Variants in CCNY observed in about 807,000 individuals in gnomAD.
CCNY encodes the protein cyclin Y, also known as cyclin-Y.
CCNY carries 19 observed loss-of-function variants against 42.8 expected under a neutral mutation model. That is an observed-to-expected ratio of 0.44 (90% CI 0.31 to 0.65). CCNY has a LOEUF of 0.65. CCNY is among the 30% of genes least tolerant of loss of function. The pLI is 0.07. For missense variants in CCNY, 370 were observed against 437.3 expected, an observed-to-expected ratio of 0.85 and a Z score of 1.37; for synonymous variants, 165 against 162.7, an observed-to-expected ratio of 1.01 and a Z score of -0.11.
At chr10:35,563,177 A>G (rs1013095256) in intron 8 of CCNY, among the ~76,000 whole-genome samples, 6 of 152,122 alleles carry the variant, frequency 3.9e-5, no homozygotes, top group African/African-American at 1.4e-4. Flanking sequence ...AGTTTTGGAA[A>G]TTATTTTTAT....
chr10:35,477,734 G>A (rs2135356513), intron 1 of CCNY, among the ~76,000 whole-genome samples: 1 of 152,086 alleles, frequency 6.6e-6, no homozygotes, highest in Non-Finnish European at 1.5e-5. Context: ...GCACAAGACA[G>A]GGATGCCCTC....
chr10:35,252,995 C>T (rs891443321), intron 3 of CCNY, among the ~76,000 whole-genome samples: 2 of 152,096 alleles, frequency 1.3e-5, no homozygotes, highest in Non-Finnish European at 2.9e-5. Flanking sequence ...ACAAAACCAT[C>T]GAACTGCTGT....
intron 1 of CCNY, among the ~76,000 whole-genome samples, chr10:35,358,698 A>G (rs1836615489): frequency 6.6e-6 from 1 of 152,218 alleles, no homozygotes; most frequent in Non-Finnish European, 1.5e-5. Flanking sequence ...AGAGACAGAG[A>G]AAAGAAGAAG....
At chr10:35,553,316 G>A (rs2135451516) in intron 8 of CCNY, 131 bp downstream of exon 8, 3 of 809,798 alleles carry the variant, frequency 3.7e-6, no homozygotes, top group South Asian at 2.5e-5. Flanking sequence ...GTTGTGAGCT[G>A]TTACAACAGG....
intron 1 of CCNY, among the ~76,000 whole-genome samples, chr10:35,428,147 C>T (rs751871450): frequency 6.6e-6 from 1 of 152,188 alleles, no homozygotes; most frequent in Non-Finnish European, 1.5e-5. Context: ...AAATGTGGAA[C>T]AAAGCAGATG....
chr10:35,327,673 G>A (rs972056992), intron 3 of CCNY: 2 of 152,164 alleles, frequency 1.3e-5, no homozygotes, highest in Non-Finnish European at 2.9e-5. Flanking sequence ...CCTCTCTTCT[G>A]TTGAGCACTG....
intron 7 of CCNY, among the ~76,000 whole-genome samples, chr10:35,542,290 G>GT (rs1010276293): frequency 6.6e-6 from 1 of 151,274 alleles, no homozygotes; most frequent in Non-Finnish European, 1.5e-5. Context: ...GGGATTGTAT[G>GT]TTTTTTTGGA....
intron 7 of CCNY, among the ~76,000 whole-genome samples, chr10:35,542,315 G>A (rs954655253): frequency 1.3e-5 from 2 of 151,498 alleles, no homozygotes; most frequent in African/African-American, 4.9e-5. Flanking sequence ...AATAACAAAG[G>A]TAAAGCACCA....
chr10:35,266,890 C>A (rs1228145498), intron 3 of CCNY, among the ~76,000 whole-genome samples: 2 of 151,866 alleles, frequency 1.3e-5, no homozygotes, highest in Non-Finnish European at 2.9e-5. Flanking sequence ...TCGAGACCAG[C>A]CTGGCCAACA....
intron 1 of CCNY, among the ~76,000 whole-genome samples, chr10:35,463,732 A>G (rs564107131): frequency 1.2e-3 from 179 of 152,366 alleles, no homozygotes; most frequent in African/African-American, 4.2e-3. Flanking sequence ...GGAAGAGGCA[A>G]AGAAATCAAA....
chr10:35,499,221 G>C (rs987230710), intron 2 of CCNY, among the ~76,000 whole-genome samples: 1 of 151,994 alleles, frequency 6.6e-6, no homozygotes, highest in Non-Finnish European at 1.5e-5. Flanking sequence ...AGAGGTTTAA[G>C]GGACTTACAG....
Position 35,532,412 on chromosome 10 carries a change from C to T in CCNY, c.579+2169C>T, listed in dbSNP as rs576224221. 5.3e-5 allele frequency among the ~76,000 whole-genome samples: 8 copies of T among 152,348 alleles called. No individual in the cohort carries two copies. The East Asian group carries it at 9.6e-4, about 18-fold the overall frequency. On this transcript the variant is annotated intron_variant, in intron 7 of 9. Coordinates refer to ENST00000374704, the MANE Select transcript of CCNY (RefSeq NM_145012.6). ...GTTAGCCCTGGCCGTGCTTCCCACA[C>T]GGAGTAGGACTGCAGCCTGCTGTGG...
intron 1 of CCNY, among the ~76,000 whole-genome samples, chr10:35,360,330 A>C (rs1836656042): frequency 6.7e-6 from 1 of 148,176 alleles, no homozygotes; most frequent in African/African-American, 2.5e-5. Context: ...TCTGTCACCC[A>C]AGCTGGAGTG....
intron 1 of CCNY, among the ~76,000 whole-genome samples, chr10:35,441,018 A>G (rs376465121): frequency 2.4e-4 from 36 of 152,288 alleles, no homozygotes; most frequent in African/African-American, 8.2e-4. Flanking sequence ...GAGAGTATAC[A>G]ATTGCCAATT....
At chr10:35,363,746 C>T (rs934685759) in intron 1 of CCNY, among the ~76,000 whole-genome samples, 2 of 152,134 alleles carry the variant, frequency 1.3e-5, no homozygotes, top group Non-Finnish European at 2.9e-5. Flanking sequence ...TATTCCCTGC[C>T]TACCTGGCAC....
intron 2 of CCNY, among the ~76,000 whole-genome samples, chr10:35,485,836 A>T (rs1275051736): frequency 6.6e-6 from 1 of 152,098 alleles, no homozygotes; most frequent in Non-Finnish European, 1.5e-5. Context: ...CTTTTGGCAA[A>T]TTGGTCCTAA....
At chr10:35,455,756 CAG>C (rs926574967) in intron 1 of CCNY, among the ~76,000 whole-genome samples, 4 of 149,014 alleles carry the variant, frequency 2.7e-5, no homozygotes, top group African/African-American at 9.9e-5. Flanking sequence ...ATGTGGTTAA[CAG>C]ATCAGAAAAT....
chr10:35,406,863 C>T (rs1454324838), intron 1 of CCNY, among the ~76,000 whole-genome samples: 2 of 144,422 alleles, frequency 1.4e-5, no homozygotes, highest in Non-Finnish European at 3.0e-5. Flanking sequence ...GGGGGGCTGA[C>T]CCCCCCCCAC....
chr10:35,354,526 C>T (rs945914354), intron 1 of CCNY, among the ~76,000 whole-genome samples: 10 of 152,204 alleles, frequency 6.6e-5, no homozygotes, highest in South Asian at 4.1e-4. Flanking sequence ...AGTGACATTT[C>T]GTCACTGCTA....
Sources: allele counts gnomAD v4.1 joint callset (sites outside exome capture counted in the v4.1 genomes callset), GRCh38; gene constraint gnomAD v4.1.1; transcripts MANE v1.5; gene names NCBI Gene and HGNC (gene_info 2026-07-23, HGNC 2026-07-21).